TMEM182: variants seen among roughly 807,000 people sequenced by gnomAD.
TMEM182 encodes the protein transmembrane protein 182.
TMEM182 carries 20 observed loss-of-function variants against 26.8 expected under a neutral mutation model. The observed-to-expected ratio is 0.75, with a 90% CI of 0.53 to 1.09. The LOEUF (loss-of-function observed/expected upper bound fraction) is 1.09, where lower values mean the gene tolerates loss of function less well. Ranked by LOEUF, TMEM182 falls within the 50% of genes least tolerant of loss-of-function variation. TMEM182 has a pLI of 0.00. For missense variants in TMEM182, 277 were observed against 275.5 expected (o/e 1.01, Z -0.04); for synonymous variants, 109 against 102.2 (o/e 1.07, Z -0.40).
chr2:102,824,353 T>G (rs1310540072), intron 3 of TMEM182, among the ~76,000 whole-genome samples: 1 of 152,220 alleles, frequency 6.6e-6, no homozygotes, highest in Non-Finnish European at 1.5e-5. Flanking sequence ...CCTGCCCAAA[T>G]CTCATGTCGA....
At chr2:102,774,250 CT>C (rs774047240) in intron 3 of TMEM182, among the ~76,000 whole-genome samples, 171 of 96,132 alleles carry the variant, frequency 1.8e-3, no homozygotes, top group Middle Eastern at 0.01. Flanking sequence ...TTCTTTCTTT[CT>C]TTTTTTTTTT....
rs1385690785 is a variant in TMEM182, at chr2:102,816,272, G to A, written c.*1304G>A. On this transcript the variant is annotated 3_prime_UTR_variant, in exon 5 of 5. Coordinates refer to ENST00000412401, the MANE Select transcript of TMEM182 (RefSeq NM_144632.5). Reference sequence around the variant, plus strand: ...TGTTGGAGGTGCGGTGTTTCATTCTGCAGCTGTTGTGAGGACAGAGAGGCA... The same window carrying A: ...TGTTGGAGGTGCGGTGTTTCATTCTACAGCTGTTGTGAGGACAGAGAGGCA... 5.1e-6 allele frequency: 5 copies of A among 985,190 alleles called. No homozygotes were observed. The highest frequency in any genetic ancestry group is 2.4e-6 in the Non-Finnish European group (2 of 829,932). 61.0% of individuals were successfully genotyped at this position (985,190 alleles called of 1,614,324 possible).
At chr2:102,769,366 G>A (rs1037681384) in intron 3 of TMEM182, among the ~76,000 whole-genome samples, 10 of 152,126 alleles carry the variant, frequency 6.6e-5, no homozygotes, top group African/African-American at 2.2e-4. Context: ...AAAAAGAGCT[G>A]GAGGGATCAA....
intron 1 of TMEM182, among the ~76,000 whole-genome samples, chr2:102,739,789 T>C (rs1264495484): frequency 1.3e-5 from 2 of 152,312 alleles, no homozygotes; most frequent in Admixed American, 1.3e-4. Flanking sequence ...TATTTCCTTA[T>C]AGCAATGCAA....
chr2:102,802,557 G>T (rs1325136461), intron 4 of TMEM182, among the ~76,000 whole-genome samples: 1 of 152,188 alleles, frequency 6.6e-6, no homozygotes, highest in Admixed American at 6.5e-5. Flanking sequence ...GACTCACAGA[G>T]AACTCTTAGA....
At chr2:102,751,721 T>C (rs1679882236) in intron 1 of TMEM182, among the ~76,000 whole-genome samples, 1 of 152,204 alleles carries the variant, frequency 6.6e-6, no homozygotes, top group East Asian at 1.9e-4. Flanking sequence ...TCTCACTCTG[T>C]TGCCCAGGCT....
At chr2:102,814,242 A>G (rs1444166480) in intron 4 of TMEM182, among the ~76,000 whole-genome samples, 3 of 152,164 alleles carry the variant, frequency 2.0e-5, no homozygotes, top group Non-Finnish European at 4.4e-5. Flanking sequence ...TTATAATAGT[A>G]TAACAAGAGT....
upstream of TMEM182, among the ~76,000 whole-genome samples, chr2:102,761,204 G>A (rs906766648): frequency 3.3e-5 from 5 of 152,138 alleles, no homozygotes; most frequent in Non-Finnish European, 5.9e-5. Flanking sequence ...AAACAAATAA[G>A]CTGTAAAGAG....
At chr2:102,778,511 A>T (rs534603040) in intron 3 of TMEM182, among the ~76,000 whole-genome samples, 2 of 152,120 alleles carry the variant, frequency 1.3e-5, no homozygotes, top group African/African-American at 4.8e-5. Flanking sequence ...TAACATTATT[A>T]GTGATATGTT....
intron 1 of TMEM182, among the ~76,000 whole-genome samples, chr2:102,754,624 G>A (rs7566430): frequency 0.16 from 23,725 of 152,148 alleles, 1,978 homozygotes; most frequent in East Asian, 0.2. Context: ...GTTCTGCATC[G>A]TTAGGTGTTG....
chr2:102,774,124 A>T (rs1680801837), intron 3 of TMEM182, among the ~76,000 whole-genome samples: 1 of 152,150 alleles, frequency 6.6e-6, no homozygotes, highest in African/African-American at 2.4e-5. Flanking sequence ...AAATCTATGT[A>T]AATAATCCAC....
downstream of TMEM182, among the ~76,000 whole-genome samples, chr2:102,821,959 A>G (rs927671736): frequency 6.7e-6 from 1 of 150,276 alleles, no homozygotes; most frequent in African/African-American, 2.5e-5. Flanking sequence ...CTGCACTCCA[A>G]CCTGGGCAAC....
chr2:102,779,754 T>C (rs2104693824), intron 3 of TMEM182, among the ~76,000 whole-genome samples: 1 of 152,212 alleles, frequency 6.6e-6, no homozygotes, highest in East Asian at 1.9e-4. Context: ...CCCAGCATTT[T>C]GGGAGGCCAA....
In TMEM182 at chr2:102,762,159, A is replaced by G. The variant is rs1680237936; in HGVS notation, c.-59A>G. The G allele has an allele frequency of 7.1e-6, 9 of 1,270,110 alleles. No individual in the cohort carries two copies. The South Asian group carries it at 1.2e-4, about 17-fold the overall frequency. 78.7% of individuals were successfully genotyped at this position (1,270,110 alleles called of 1,614,324 possible). A position where few individuals can be genotyped will look rare whatever the true frequency, so the allele number is the denominator to read the frequency against. On this transcript the variant is annotated 5_prime_UTR_variant, in exon 1 of 5. Transcript: ENST00000412401. The stretch of plus-strand genomic sequence containing the variant: ...TTTTTGCTGTTGTTTCTGAGAAACT[A>G]GGTGTCTTACCATTTTAAAATTTCA...
At chr2:102,754,767 A>G (rs1456431836) in intron 1 of TMEM182, among the ~76,000 whole-genome samples, 1 of 114,608 alleles carries the variant, frequency 8.7e-6, no homozygotes, top group Non-Finnish European at 1.8e-5. Flanking sequence ...AATTTTGACT[A>G]TAGAAAAAGA....
At chr2:102,746,622 C>T (rs1221021818) in intron 1 of TMEM182, among the ~76,000 whole-genome samples, 1 of 152,040 alleles carries the variant, frequency 6.6e-6, no homozygotes, top group East Asian at 1.9e-4. Context: ...AAGATGGAGT[C>T]TCGCTCTCTC....
At chr2:102,766,139 T>G (rs925741992) in intron 3 of TMEM182, among the ~76,000 whole-genome samples, 1 of 152,182 alleles carries the variant, frequency 6.6e-6, no homozygotes, top group Admixed American at 6.5e-5. Flanking sequence ...TGTGATAAGA[T>G]AGGTATTGTA....
At chr2:102,802,458 A>G (rs966261560) in intron 4 of TMEM182, among the ~76,000 whole-genome samples, 3 of 152,122 alleles carry the variant, frequency 2.0e-5, no homozygotes, top group African/African-American at 7.2e-5. Context: ...AAGTGTAGTC[A>G]TTGTCAGGAC....
Position 102,762,293 on chromosome 2 carries a change from G to A in TMEM182, c.76G>A (p.Gly26Arg), listed in dbSNP as rs1680244349. The change falls in exon 1 of 5, where the codon GGA becomes AGA. Residue 26 changes from glycine to arginine, a missense_variant. Physicochemically the swap from Gly to Arg is moderately radical, Grantham distance 125 (BLOSUM62 -2). Coordinates refer to ENST00000412401, the MANE Select transcript of TMEM182 (RefSeq NM_144632.5). ...LGVLLFLVAF[G>R]SDYWLLATEV... ...GGTGTTACTCTTTTTGGTGGCTTTT[G>A]GATCGGATTATTGGCTTCTTGCAAC... 2 of 1,613,784 alleles carry A rather than the reference G, an allele frequency of 1.2e-6. No individual in the cohort carries two copies. The highest frequency in any genetic ancestry group is 1.1e-5 in the South Asian group (1 of 91,080).
Sources: allele counts gnomAD v4.1 joint callset (sites outside exome capture counted in the v4.1 genomes callset), GRCh38; gene constraint gnomAD v4.1.1; transcripts MANE v1.5; gene names NCBI Gene and HGNC (gene_info 2026-07-23, HGNC 2026-07-21).